Variants in SCAF8 observed in about 807,000 individuals in gnomAD.
SCAF8 encodes the protein SR-related and CTD-associated factor 8.
In SCAF8, 23 loss-of-function variants were observed where a neutral mutation model predicts 140.5. The observed-to-expected ratio is 0.16, with a 90% CI of 0.12 to 0.23. SCAF8 has a LOEUF of 0.23. SCAF8 is among the 10% of genes least tolerant of loss of function. The pLI, the probability that SCAF8 is intolerant of heterozygous loss-of-function variation, is 1.00. For missense variants in SCAF8, 1,397 were observed against 1,555.7 expected, an observed-to-expected ratio of 0.90 and a Z score of 1.72; for synonymous variants, 575 against 528.9, an observed-to-expected ratio of 1.09 and a Z score of -1.20.
At chr6:154,769,091 A>G (rs1263670844) in intron 1 of SCAF8, among the ~76,000 whole-genome samples, 2 of 150,714 alleles carry the variant, frequency 1.3e-5, no homozygotes, top group South Asian at 2.1e-4. Context: ...AAAAAATCAC[A>G]TATAAGTAGA....
intron 6 of SCAF8, among the ~76,000 whole-genome samples, chr6:154,798,156 T>C (rs569101253): frequency 4.6e-5 from 7 of 151,564 alleles, no homozygotes; most frequent in African/African-American, 1.7e-4. Flanking sequence ...AGTTTAATAA[T>C]CAAGATTAAT....
chr6:154,755,410 T>G (rs935268194), intron 1 of SCAF8, among the ~76,000 whole-genome samples: 2 of 152,094 alleles, frequency 1.3e-5, no homozygotes, highest in African/African-American at 4.8e-5. Context: ...TACACCACCA[T>G]GCCCGGCTAA....
chr6:154,832,864 T>C lies in SCAF8; in HGVS notation c.3285T>C (p.His1095=), dbSNP rs141501307. ...TTAATCCAGAGAAGCCCTGGGGGCATAGAGGAGATTTTGATGAGAGAGAGC... is the reference window on the plus strand; with the variant it reads ...TTAATCCAGAGAAGCCCTGGGGGCACAGAGGAGATTTTGATGAGAGAGAGC... ...FGFNPEKPWG[H]RGDFDEREHR... is the part of the protein sequence containing the mutation. The change falls in exon 20 of 20, where the codon CAT becomes CAC. Residue 1095 remains histidine (H), a synonymous_variant. Transcript: ENST00000367178. 11 of 1,613,940 alleles carry C rather than the reference T, an allele frequency of 6.8e-6. No individual in the cohort carries two copies. The East Asian group carries it at 8.9e-5, about 13-fold the overall frequency.
intron 18 of SCAF8, among the ~76,000 whole-genome samples, chr6:154,828,572 T>C (rs1206867830): frequency 6.6e-6 from 1 of 152,152 alleles, no homozygotes; most frequent in African/African-American, 2.4e-5. Flanking sequence ...GGGAGACCTG[T>C]GTTGCCTCCC....
intron 3 of SCAF8, among the ~76,000 whole-genome samples, chr6:154,779,037 T>G (rs1434848077): frequency 6.6e-6 from 1 of 152,096 alleles, no homozygotes; most frequent in African/African-American, 2.4e-5. Flanking sequence ...TTTGGTTTTT[T>G]TGTTTTTGTT....
intron 3 of SCAF8, among the ~76,000 whole-genome samples, chr6:154,784,095 T>C (rs1454180170): frequency 6.9e-6 from 1 of 145,198 alleles, no homozygotes; most frequent in African/African-American, 2.5e-5. Flanking sequence ...ATGGCTGTTA[T>C]ATTTACTTAT....
intron 1 of SCAF8, among the ~76,000 whole-genome samples, chr6:154,740,360 A>G (rs1778536379): frequency 6.6e-6 from 1 of 152,146 alleles, no homozygotes; most frequent in South Asian, 2.1e-4. Context: ...GTTTCCAGAC[A>G]TTATTAAATG....
At chr6:154,831,911 A>T in intron 19 of SCAF8, 28 bp from the exon 20 acceptor site, 2 of 1,550,874 alleles carry the variant, frequency 1.3e-6, no homozygotes, top group Non-Finnish European at 1.7e-6. Flanking sequence ...TGTTATTTTG[A>T]GTTTTTTCTC....
At position 154,795,049 on chromosome 6, in the gene SCAF8, A is replaced by C; in HGVS notation, c.516A>C (p.Gln172His). The change falls in exon 6 of 20, where the codon CAA becomes CAC. Residue 172 changes from glutamine (Q) to histidine (H), a missense_variant. Transcript: ENST00000367178. ...VTPVTPANVV[Q>H]GLPDPWVSQI... ...CTGTTACTCCGGCCAATGTGGTCCA[A>C]GGCTTACCTGATCCGTGGGTATCTC... 1 of 1,613,096 alleles carries C rather than the reference A, an allele frequency of 6.2e-7. No individual in the cohort carries two copies. The highest frequency in any genetic ancestry group is 8.5e-7 in the Non-Finnish European group (1 of 1,179,618).
rs376273596 is a variant in SCAF8, at chr6:154,799,775, C to CTATTTATT, written c.607-2177_607-2170dup. 4.7e-5 allele frequency among the ~76,000 whole-genome samples: 7 copies of CTATTTATT among 150,494 alleles called. 1 individual carries two copies. The highest frequency in any genetic ancestry group is 1.9e-4 in the East Asian group (1 of 5,148). On this transcript the variant is annotated intron_variant, in intron 6 of 19. Transcript: ENST00000367178. The stretch of plus-strand genomic sequence containing the variant: ...ACTTTAATAAGGCCTTCAGTGACTG[C>CTATTTATT]TATTTATTTATTTATTTATTTATTT...
chr6:154,765,547 T>C (rs1433485668), intron 1 of SCAF8, among the ~76,000 whole-genome samples: 1 of 152,202 alleles, frequency 6.6e-6, no homozygotes, highest in Admixed American at 6.5e-5. Flanking sequence ...TCAGTAGACA[T>C]TTGAAATGTG....
chr6:154,773,981 T>G lies in SCAF8; in HGVS notation c.31-8T>G, dbSNP rs1165350034. 6.3e-7 allele frequency: 1 copy of G among 1,594,168 alleles called. No individual in the cohort carries two copies. Among genetic ancestry groups the G allele is most frequent in the Non-Finnish European group, 8.6e-7 (1 of 1,166,446 alleles). On this transcript the variant is annotated splice_region_variant and splice_polypyrimidine_tract_variant and intron_variant, in intron 1 of 19. Transcript: ENST00000367178. ...TTGCTGTATGTAAATTTGTTCTTTT[T>G]TCATCAGTTGTATTCCCTGAATGAC...
At chr6:154,760,896 GC>G (rs1776365952) in intron 1 of SCAF8, among the ~76,000 whole-genome samples, 1 of 152,158 alleles carries the variant, frequency 6.6e-6, no homozygotes, top group Admixed American at 6.5e-5. Flanking sequence ...TGATCCTCCT[GC>G]CTCAGCCTCC....
chr6:154,770,337 G>T (rs531081817), intron 1 of SCAF8, among the ~76,000 whole-genome samples: 4 of 151,656 alleles, frequency 2.6e-5, no homozygotes, highest in South Asian at 2.1e-4. Context: ...GGTGATCTGT[G>T]CCTGTAGTGC....
intron 7 of SCAF8, 107 bp from the exon 8 acceptor site, chr6:154,803,437 T>C: frequency 1.3e-6 from 1 of 755,096 alleles, no homozygotes; most frequent in South Asian, 1.6e-5. Context: ...TATTTACACA[T>C]TAAATGATAG....
At chr6:154,759,370 TTTTC>T (rs1382459248) in intron 1 of SCAF8, among the ~76,000 whole-genome samples, 16 of 152,194 alleles carry the variant, frequency 1.1e-4, no homozygotes, top group Non-Finnish European at 1.8e-4. Context: ...TGATTACAAT[TTTTC>T]TTTGTTTCAA....
At chr6:154,831,264 T>A (rs557599058) in intron 19 of SCAF8, 124 bp downstream of exon 19, 25 of 599,746 alleles carry the variant, frequency 4.2e-5, no homozygotes, top group Middle Eastern at 4.5e-4. Context: ...ACTTTTTTTT[T>A]AAAAGAGATC....
At chr6:154,815,965 G>T in intron 13 of SCAF8, 149 bp downstream of exon 13, 1 of 485,202 alleles carries the variant, frequency 2.1e-6, no homozygotes, top group East Asian at 3.4e-5. Flanking sequence ...TAATGTCTGT[G>T]TTTATTTTGG....
chr6:154,764,164 TA>T (rs1776493388), intron 1 of SCAF8, among the ~76,000 whole-genome samples: 1 of 152,190 alleles, frequency 6.6e-6, no homozygotes, highest in Non-Finnish European at 1.5e-5. Flanking sequence ...TATAGAAACT[TA>T]AAATTTTACA....
Sources: gnomAD v4.1 joint callset for allele counts (sites outside exome capture counted in the v4.1 genomes callset) on GRCh38, gnomAD v4.1.1 for gene constraint, MANE v1.5 for transcripts, NCBI Gene and HGNC (gene_info 2026-07-23, HGNC 2026-07-21) for gene names.